The following ZNF91 variants were observed in gnomAD, a reference collection of about 807,000 sequenced individuals.
The protein encoded by ZNF91 is zinc finger protein 91.
In ZNF91, 7 loss-of-function variants were observed where a neutral mutation model predicts 12.6. The ratio of observed to expected loss-of-function variants is 0.55; its 90% CI spans 0.31 to 1.04. The LOEUF is 1.04. Among genes scored for constraint, ZNF91 ranks in the 50% least tolerant of loss-of-function variants. The pLI is 0.05. For synonymous variants in ZNF91, 453 were observed against 462.6 expected (o/e 0.98, Z 0.27); for missense variants, 1,217 against 1,385.4 (o/e 0.88, Z 1.93).
At chr19:23,309,076 A>T (rs1599677152) in exon 2 of ZNF91, 1 of 141,500 alleles carries the variant, frequency 7.1e-6, no homozygotes, top group South Asian at 2.2e-4. Flanking sequence ...AGATGATGTG[A>T]CTCTTCTCTT....
At chr19:23,378,674 G>A (rs1969592216) in intron 1 of ZNF91, among the ~76,000 whole-genome samples, 1 of 151,920 alleles carries the variant, frequency 6.6e-6, no homozygotes, top group South Asian at 2.1e-4. Context: ...ATATGTTCAG[G>A]TGTAGACATC....
intron 1 of ZNF91, chr19:23,327,028 A>G (rs1175357894): frequency 6.6e-6 from 1 of 152,198 alleles, no homozygotes; most frequent in Non-Finnish European, 1.5e-5. Flanking sequence ...CAGAGCTCCA[A>G]TGTGTGAACC....
intron 2 of ZNF91, 74 bp downstream of exon 2, chr19:23,374,559 CAAAAA>C (rs59471254): frequency 6.4e-4 from 572 of 891,684 alleles, no homozygotes; most frequent in East Asian, 2.0e-3. Flanking sequence ...GACTCTGTCT[CAAAAA>C]AAAAAAAAAA....
intron 2 of ZNF91, chr19:23,307,859 A>G (rs911775018): frequency 1.3e-5 from 2 of 152,252 alleles, no homozygotes; most frequent in African/African-American, 4.8e-5. Context: ...AAAGGATTGT[A>G]TAGCTGGGCT....
chr19:23,370,528 G>C (rs1969233657), intron 3 of ZNF91, among the ~76,000 whole-genome samples: 1 of 150,498 alleles, frequency 6.6e-6, no homozygotes, highest in South Asian at 2.1e-4. Flanking sequence ...TTTGAGACAG[G>C]GTCTCAATCT....
chr19:23,309,717 T>C (rs1244211186), intron 1 of ZNF91, among the ~76,000 whole-genome samples: 2 of 152,204 alleles, frequency 1.3e-5, no homozygotes. Flanking sequence ...CTGTCTGTCA[T>C]AGCTAGGTGT....
chr19:23,355,531 G>A (rs1191538643), downstream of ZNF91, among the ~76,000 whole-genome samples: 3 of 152,106 alleles, frequency 2.0e-5, no homozygotes, highest in African/African-American at 7.2e-5. Flanking sequence ...AACCCTTCTA[G>A]GCATTGGCTA....
At chr19:23,379,275 T>C (rs1220018001) in intron 1 of ZNF91, among the ~76,000 whole-genome samples, 1 of 152,170 alleles carries the variant, frequency 6.6e-6, no homozygotes, top group Non-Finnish European at 1.5e-5. Flanking sequence ...TAACTGTGAG[T>C]TGACTGGAAG....
intron 3 of ZNF91, among the ~76,000 whole-genome samples, chr19:23,343,947 T>C (rs1017823663): frequency 6.6e-6 from 1 of 152,172 alleles, no homozygotes; most frequent in Non-Finnish European, 1.5e-5. Flanking sequence ...ATACAGTTTT[T>C]AGAAAGTAAT....
intron 3 of ZNF91, among the ~76,000 whole-genome samples, chr19:23,363,024 C>G (rs1189851993): frequency 6.6e-6 from 1 of 152,054 alleles, no homozygotes; most frequent in Non-Finnish European, 1.5e-5. Flanking sequence ...ATATATGTAA[C>G]AAAAACATAC....
chr19:23,388,275 AT>A (rs1969943094), intron 1 of ZNF91, among the ~76,000 whole-genome samples: 2 of 152,076 alleles, frequency 1.3e-5, no homozygotes, highest in East Asian at 1.9e-4. Flanking sequence ...TAATAAAAAA[AT>A]ATGATACATA....
chr19:23,384,490 C>T, intron 1 of ZNF91: 1 of 805,252 alleles, frequency 1.2e-6, no homozygotes, highest in Non-Finnish European at 1.7e-6. Flanking sequence ...AAAAGTTGCC[C>T]TTTCTTCCGC....
downstream of ZNF91, among the ~76,000 whole-genome samples, chr19:23,357,086 G>A (rs1328406374): frequency 6.6e-6 from 1 of 152,202 alleles, no homozygotes; most frequent in Non-Finnish European, 1.5e-5. Context: ...AATGAGCCGG[G>A]CGTGGTGATG....
chr19:23,360,290 G>C lies in ZNF91; in HGVS notation c.2689C>G (p.Leu897Val). 3 of 1,613,828 alleles carry C rather than the reference G, an allele frequency of 1.9e-6. No homozygotes were observed. Among genetic ancestry groups the C allele is most frequent in the Non-Finnish European group, 2.5e-6 (3 of 1,179,848 alleles). ...CDKAFIWSST[L>V]TEHKRIHTRE... ...GTATGAATTCTCTTATGTTCAGTAA[G>C]GGTTGAGGACCAGATAAATGCTTTG... The change falls in exon 4 of 4, where the codon CTT (leucine) becomes GTT (valine). Residue 897 changes from leucine (L) to valine (V), a missense_variant. This residue lies in a region of ZNF91 where 491 missense variants were observed against 489.8 expected (regional missense o/e 1.00). Transcript: ENST00000300619.
chr19:23,344,239 C>T (rs756509529), intron 3 of ZNF91, among the ~76,000 whole-genome samples: 60 of 152,028 alleles, frequency 3.9e-4, no homozygotes, highest in Non-Finnish European at 6.6e-4. Flanking sequence ...GGACTACTGG[C>T]GCCCGTCACC....
At chr19:23,312,075 C>G (rs1967480958), upstream of ZNF91, among the ~76,000 whole-genome samples, 1 of 152,014 alleles carries the variant, frequency 6.6e-6, no homozygotes, top group Non-Finnish European at 1.5e-5. Context: ...ATACCATATC[C>G]CTGGCTGAAA....
chr19:23,373,365 TA>T (rs1969364723), intron 3 of ZNF91, among the ~76,000 whole-genome samples: 2 of 127,926 alleles, frequency 1.6e-5, no homozygotes, highest in African/African-American at 5.5e-5. Flanking sequence ...TATATATATA[TA>T]TATATATATA....
intron 3 of ZNF91, chr19:23,340,013 T>C (rs1261328269): frequency 7.2e-6 from 1 of 138,528 alleles, no homozygotes; most frequent in Non-Finnish European, 1.6e-5. Context: ...AGAAACACAA[T>C]ATAATAAAAC....
At chr19:23,364,308 G>T (rs140431561) in intron 3 of ZNF91, among the ~76,000 whole-genome samples, 3 of 152,150 alleles carry the variant, frequency 2.0e-5, no homozygotes, top group African/African-American at 7.2e-5. Context: ...TTAGCTGTGC[G>T]TGGTGGCACA....
Sources: allele counts gnomAD v4.1 joint callset (sites outside exome capture counted in the v4.1 genomes callset), GRCh38; gene constraint gnomAD v4.1.1; regional missense constraint gnomAD v4.1.1; transcripts MANE v1.5; gene names NCBI Gene and HGNC (gene_info 2026-07-23, HGNC 2026-07-21).